Variants in GLIS3 observed in about 807,000 individuals in gnomAD.
GLIS3 encodes the protein zinc finger protein GLIS3.
Under a neutral mutation model 78.6 loss-of-function variants are expected in GLIS3, and 53 were observed. That is an observed-to-expected ratio of 0.67 (90% confidence interval 0.54 to 0.85). GLIS3 has a LOEUF of 0.85. GLIS3 is among the 40% of genes least tolerant of loss of function. The probability of loss-of-function intolerance (pLI) is 0.00; values close to 1 mark genes in which losing one functional copy is unlikely to be tolerated. For synonymous variants in GLIS3, 684 were observed against 509.9 expected (o/e 1.34, Z -4.60); for missense variants, 1,703 against 1,231.1 (o/e 1.38, Z -5.74).
At chr9:4,384,021 G>A in the GLIS3 span, among the ~76,000 whole-genome samples, 1 of 152,206 alleles carries the variant, frequency 6.6e-6, no homozygotes, top group African/African-American at 2.4e-5. Flanking sequence ...TGTGCCATTG[G>A]CTGCCAATCA....
chr9:3,966,978 T>C (rs1817985130), intron 4 of GLIS3, among the ~76,000 whole-genome samples: 1 of 129,700 alleles, frequency 7.7e-6, no homozygotes, highest in African/African-American at 2.9e-5. Context: ...TTAATCCTTA[T>C]TCCTACCCTC....
the GLIS3 span, among the ~76,000 whole-genome samples, chr9:4,368,303 G>C: frequency 4.0e-5 from 6 of 150,748 alleles, no homozygotes; most frequent in Non-Finnish European, 7.4e-5. Flanking sequence ...GCAGAGAAAT[G>C]AAAGAGCACT....
intron 2 of GLIS3, among the ~76,000 whole-genome samples, chr9:4,260,306 C>T (rs879617750): frequency 6.6e-6 from 1 of 152,184 alleles, no homozygotes; most frequent in Admixed American, 6.5e-5. Flanking sequence ...GTGGCTCACA[C>T]CTGTAATCCC....
In GLIS3 at chr9:3,986,583, A is replaced by AT. The variant is rs768757310; in HGVS notation, c.1711-49395dup. Among the ~76,000 whole-genome samples, 84 of 152,336 alleles carry AT rather than the reference A, an allele frequency of 5.5e-4. 1 individual carries two copies. Among genetic ancestry groups the AT allele is most frequent in the Non-Finnish European group, 9.1e-4 (62 of 68,030 alleles). On this transcript the variant is annotated intron_variant, in intron 4 of 10. Transcript: ENST00000381971. ...CCAGAGGCACAGGACTGGGCTCCTAATTAACTATTAAATGTCTTGAGAGCA... is the reference window on the plus strand; with the variant it reads ...CCAGAGGCACAGGACTGGGCTCCTAATTTAACTATTAAATGTCTTGAGAGCA...
chr9:4,311,984 T>C (rs1057008905), intron 2 of GLIS3, among the ~76,000 whole-genome samples: 1 of 151,966 alleles, frequency 6.6e-6, no homozygotes, highest in South Asian at 2.1e-4. Flanking sequence ...GTCCACCCAA[T>C]GGTGGAGAGT....
intron 2 of GLIS3, among the ~76,000 whole-genome samples, chr9:4,231,661 A>T (rs1480089171): frequency 6.6e-6 from 1 of 152,228 alleles, no homozygotes; most frequent in Admixed American, 6.5e-5. Context: ...GTCAAGGCCA[A>T]CAATGTAAAA....
chr9:3,909,207 G>T (rs1823962519), intron 6 of GLIS3, among the ~76,000 whole-genome samples: 1 of 152,106 alleles, frequency 6.6e-6, no homozygotes. Context: ...CAAGCAATGT[G>T]GATCTTGTGG....
chr9:4,040,771 C>T (rs746716403), intron 4 of GLIS3, among the ~76,000 whole-genome samples: 9 of 152,142 alleles, frequency 5.9e-5, no homozygotes, highest in African/African-American at 2.2e-4. Flanking sequence ...TTCAGTAGAT[C>T]GTTCTACCAC....
chr9:4,094,208 G>C (rs1041169965), intron 4 of GLIS3, among the ~76,000 whole-genome samples: 3 of 152,062 alleles, frequency 2.0e-5, no homozygotes, highest in African/African-American at 7.2e-5. Flanking sequence ...AAACAAGCTG[G>C]GTCATCAAAT....
chr9:4,245,537 T>A (rs995381959), intron 2 of GLIS3, among the ~76,000 whole-genome samples: 2 of 152,208 alleles, frequency 1.3e-5, no homozygotes, highest in African/African-American at 4.8e-5. Context: ...AAGAGCTATA[T>A]AAATGTAAGG....
At chr9:3,968,171 G>A (rs1469752153) in intron 4 of GLIS3, among the ~76,000 whole-genome samples, 5 of 152,138 alleles carry the variant, frequency 3.3e-5, no homozygotes, top group Non-Finnish European at 5.9e-5. Context: ...AGTCTAAGGG[G>A]GTGAAGACCT....
At chr9:4,074,122 T>C (rs1827854687) in intron 4 of GLIS3, among the ~76,000 whole-genome samples, 2 of 152,326 alleles carry the variant, frequency 1.3e-5, no homozygotes, top group African/African-American at 4.8e-5. Context: ...CCAATGCAAG[T>C]CACAAGTTAG....
At chr9:4,433,767 G>T in the GLIS3 span, among the ~76,000 whole-genome samples, 1 of 152,200 alleles carries the variant, frequency 6.6e-6, no homozygotes, top group Non-Finnish European at 1.5e-5. Context: ...AGAAATCCCT[G>T]CTTCCACTTG....
intron 4 of GLIS3, among the ~76,000 whole-genome samples, chr9:4,068,217 T>A (rs1039626615): frequency 1.6e-4 from 25 of 152,140 alleles, no homozygotes; most frequent in African/African-American, 5.8e-4. Flanking sequence ...TTATTTAAAA[T>A]GCAAAATGTA....
chr9:3,884,803 G>A (rs1325303160), intron 7 of GLIS3, among the ~76,000 whole-genome samples: 1 of 152,096 alleles, frequency 6.6e-6, no homozygotes, highest in Non-Finnish European at 1.5e-5. Flanking sequence ...CGGGAAGCCT[G>A]ATTTTATTAA....
In GLIS3 at chr9:4,057,441, A is replaced by G. The variant is rs138830397; in HGVS notation, c.1710+60327T>C. ...CTAAAGAGCTTGATAGGAAAGCACA[A>G]AAACAGGTAACAATGCACAATTTTT... On this transcript the variant is annotated intron_variant, in intron 4 of 10. Coordinates refer to ENST00000381971, the MANE Select transcript of GLIS3 (RefSeq NM_001042413.2). Among the ~76,000 whole-genome samples, 98 of 152,320 alleles carry G rather than the reference A, an allele frequency of 6.4e-4. 1 individual carries two copies. The highest frequency in any genetic ancestry group is 2.2e-3 in the African/African-American group (92 of 41,558).
the GLIS3 span, among the ~76,000 whole-genome samples, chr9:4,444,872 A>AG: frequency 6.6e-6 from 1 of 152,230 alleles, no homozygotes; most frequent in African/African-American, 2.4e-5. Flanking sequence ...GTAAGTGAAA[A>AG]ACCTCCATAG....
At chr9:4,046,731 T>G (rs1825281625) in intron 4 of GLIS3, among the ~76,000 whole-genome samples, 1 of 152,218 alleles carries the variant, frequency 6.6e-6, no homozygotes, top group Non-Finnish European at 1.5e-5. Flanking sequence ...ACCAGGATAA[T>G]GCAGGAACTC....
chr9:3,855,166 C>A (rs910421227), intron 9 of GLIS3, among the ~76,000 whole-genome samples: 1 of 152,190 alleles, frequency 6.6e-6, no homozygotes, highest in Non-Finnish European at 1.5e-5. Flanking sequence ...TCTATGGATG[C>A]TCACTAAGAT....
Sources: allele counts gnomAD v4.1 joint callset (sites outside exome capture counted in the v4.1 genomes callset), GRCh38; gene constraint gnomAD v4.1.1; transcripts MANE v1.5; gene names NCBI Gene and HGNC (gene_info 2026-07-23, HGNC 2026-07-21).